The following GLRA3 variants were observed in gnomAD, a reference collection of about 807,000 sequenced individuals.
GLRA3 encodes glycine receptor alpha 3.
In GLRA3, 44 loss-of-function variants were observed where a neutral mutation model predicts 60.4. The observed-to-expected ratio is 0.73, with a 90% CI of 0.57 to 0.94. The LOEUF (loss-of-function observed/expected upper bound fraction) is 0.94, where lower values mean the gene tolerates loss of function less well. Among genes scored for constraint, GLRA3 ranks in the 40% least tolerant of loss-of-function variants. The probability of loss-of-function intolerance (pLI) is 0.00; values close to 1 mark genes in which losing one functional copy is unlikely to be tolerated. For synonymous variants in GLRA3, 223 were observed against 192.9 expected (o/e 1.16, Z -1.29); for missense variants, 508 against 564.6 (o/e 0.90, Z 1.02).
chr4:174,731,349 G>A (rs763912873), intron 3 of GLRA3, among the ~76,000 whole-genome samples: 2 of 152,028 alleles, frequency 1.3e-5, no homozygotes, highest in Admixed American at 6.6e-5. Context: ...GCAAGTAAAC[G>A]GACAGTCAAA....
At chr4:174,755,675 T>C (rs1367028915) in intron 3 of GLRA3, among the ~76,000 whole-genome samples, 2 of 151,916 alleles carry the variant, frequency 1.3e-5, no homozygotes, top group African/African-American at 2.4e-5. Flanking sequence ...GTATAAGAGA[T>C]AGAAACACAG....
intron 3 of GLRA3, among the ~76,000 whole-genome samples, chr4:174,732,297 G>C (rs10018250): frequency 4.6e-5 from 7 of 151,240 alleles, no homozygotes; most frequent in East Asian, 1.9e-4. Flanking sequence ...GGAGCTTGCA[G>C]TGAGCCGAGA....
At chr4:174,687,506 T>G (rs1008415807) in intron 5 of GLRA3, among the ~76,000 whole-genome samples, 2 of 152,068 alleles carry the variant, frequency 1.3e-5, no homozygotes, top group African/African-American at 4.8e-5. Flanking sequence ...GTGAAAAAAA[T>G]GGGTGGAAAC....
intron 2 of GLRA3, among the ~76,000 whole-genome samples, chr4:174,770,155 A>C (rs1738320649): frequency 6.6e-6 from 1 of 152,138 alleles, no homozygotes; most frequent in Non-Finnish European, 1.5e-5. Context: ...TTGCTGAATT[A>C]AGGTAGAGGA....
At chr4:174,721,735 ATAAC>A (rs578007082) in intron 4 of GLRA3, among the ~76,000 whole-genome samples, 196 of 151,730 alleles carry the variant, frequency 1.3e-3, no homozygotes, top group African/African-American at 4.6e-3. Flanking sequence ...TAAATGCCAT[ATAAC>A]TAAGAGGAAA....
chr4:174,777,286 C>T (rs1371763074), intron 2 of GLRA3, among the ~76,000 whole-genome samples: 1 of 151,788 alleles, frequency 6.6e-6, no homozygotes, highest in East Asian at 1.9e-4. Context: ...TTCTGGAGCT[C>T]GATAATTGTA....
intron 1 of GLRA3, among the ~76,000 whole-genome samples, chr4:174,820,742 A>G (rs552634778): frequency 2.6e-5 from 4 of 152,310 alleles, no homozygotes; most frequent in South Asian, 4.1e-4. Context: ...GCTTCCACCT[A>G]AAGTATTAGA....
chr4:174,804,660 A>G (rs1483685002), intron 1 of GLRA3, among the ~76,000 whole-genome samples: 1 of 152,204 alleles, frequency 6.6e-6, no homozygotes, highest in East Asian at 1.9e-4. Flanking sequence ...TAGGACATGG[A>G]TACACCAGAA....
rs980483253 is a variant in GLRA3 at position 174,640,539 on chromosome 4, T to G, written c.*3247A>C. ...TGTTCAGAAAAAGGGATGTATAGTATGGAAGATACATCTAAATCTTTTTTC... is the reference window on the plus strand; with the variant it reads ...TGTTCAGAAAAAGGGATGTATAGTAGGGAAGATACATCTAAATCTTTTTTC... On this transcript the variant is annotated 3_prime_UTR_variant, in exon 10 of 10. Transcript: ENST00000274093. The G allele has an allele frequency of 2.0e-5, 3 of 152,128 alleles. No homozygotes were observed. The allele number at this position is 152,128 out of a possible 1,614,324, so 9.4% of individuals were successfully genotyped here. A position where few individuals can be genotyped will look rare whatever the true frequency, so the allele number is the denominator to read the frequency against.
intron 6 of GLRA3, among the ~76,000 whole-genome samples, chr4:174,679,320 C>A (rs906367949): frequency 6.6e-6 from 1 of 151,468 alleles, no homozygotes; most frequent in South Asian, 2.1e-4. Context: ...GACTCCAACT[C>A]AAAAAAACAA....
At chr4:174,661,494 T>G (rs1309330185) in intron 7 of GLRA3, among the ~76,000 whole-genome samples, 2 of 152,180 alleles carry the variant, frequency 1.3e-5, no homozygotes, top group South Asian at 4.1e-4. Context: ...ATTCACCTCA[T>G]TTTTGGTTCT....
Position 174,659,202 on chromosome 4 carries a change from C to T in GLRA3, c.928-5G>A. On this transcript the variant is annotated splice_polypyrimidine_tract_variant and splice_region_variant and intron_variant, in intron 7 of 9. Transcript: ENST00000274093. ...AATAGCTTTGACATATGAAACCTAG[C>T]CAAGAGAGAAAGAGAAAGCAAGCAA... 1 of 1,604,468 alleles carries T rather than the reference C, an allele frequency of 6.2e-7. No individual in the cohort carries two copies. Among genetic ancestry groups the T allele is most frequent in the East Asian group, 2.2e-5 (1 of 44,582 alleles).
At chr4:174,783,291 T>A (rs1375843850) in intron 2 of GLRA3, among the ~76,000 whole-genome samples, 1 of 140,620 alleles carries the variant, frequency 7.1e-6, no homozygotes, top group East Asian at 2.0e-4. Context: ...ACTGGAACCC[T>A]TCCTTACACC....
At chr4:174,751,315 A>T (rs1737477901) in intron 3 of GLRA3, among the ~76,000 whole-genome samples, 1 of 152,172 alleles carries the variant, frequency 6.6e-6, no homozygotes, top group African/African-American at 2.4e-5. Context: ...TTTATCAAAT[A>T]ATGAAAGACA....
At chr4:174,708,720 C>T (rs1360408252) in intron 5 of GLRA3, among the ~76,000 whole-genome samples, 1 of 148,962 alleles carries the variant, frequency 6.7e-6, no homozygotes, top group Non-Finnish European at 1.5e-5. Context: ...ATAGTTTATG[C>T]ACCATGTGTC....
At chr4:174,801,196 T>A (rs1403533604) in intron 1 of GLRA3, among the ~76,000 whole-genome samples, 4 of 152,084 alleles carry the variant, frequency 2.6e-5, no homozygotes, top group Non-Finnish European at 4.4e-5. Flanking sequence ...CACACCAGCC[T>A]CTTTCACCAC....
chr4:174,736,335 A>G (rs1162965225), intron 3 of GLRA3, among the ~76,000 whole-genome samples: 1 of 152,172 alleles, frequency 6.6e-6, no homozygotes, highest in Non-Finnish European at 1.5e-5. Flanking sequence ...AATATACGTA[A>G]CATTTATCAT....
In GLRA3 at chr4:174,667,268, C is replaced by T. The variant is rs866557100; in HGVS notation, c.928-8071G>A. On this transcript the variant is annotated intron_variant, in intron 7 of 9. Transcript: ENST00000274093. ...CCACATGCCTAGAGGGGAAAGTGGC[C>T]TTCGTGGCACAGAGCATTATGATAA... is the stretch of plus-strand genomic sequence containing the variant. Among the ~76,000 whole-genome samples, 3 of 152,034 alleles carry T rather than the reference C, an allele frequency of 2.0e-5. No individual in the cohort carries two copies. The South Asian group carries it at 6.2e-4, about 31-fold the overall frequency.
chr4:174,698,138 G>A (rs1329765054), intron 5 of GLRA3, among the ~76,000 whole-genome samples: 1 of 152,090 alleles, frequency 6.6e-6, no homozygotes, highest in East Asian at 1.9e-4. Flanking sequence ...GTTTTGAATA[G>A]AGAATAGTAA....
Sources: gnomAD v4.1 joint callset for allele counts (sites outside exome capture counted in the v4.1 genomes callset) on GRCh38, gnomAD v4.1.1 for gene constraint, MANE v1.5 for transcripts, NCBI Gene and HGNC (gene_info 2026-07-23, HGNC 2026-07-21) for gene names.